Variants in TRPC7 observed in about 807,000 individuals in gnomAD.
TRPC7 encodes the protein transient receptor potential cation channel subfamily C member 7.
Under a neutral mutation model 90.1 loss-of-function variants are expected in TRPC7, and 42 were observed. That is an observed-to-expected ratio of 0.47 (90% CI 0.36 to 0.60). TRPC7 has a LOEUF of 0.60. Among genes scored for constraint, TRPC7 ranks in the 20% least tolerant of loss-of-function variants. TRPC7 has a pLI of 0.00. For synonymous variants in TRPC7, 451 were observed against 436.3 expected, an observed-to-expected ratio of 1.03 and a Z score of -0.42; for missense variants, 955 against 1,112.3, an observed-to-expected ratio of 0.86 and a Z score of 2.01.
chr5:136,330,224 G>A (rs1321721397), intron 2 of TRPC7, among the ~76,000 whole-genome samples: 1 of 152,200 alleles, frequency 6.6e-6, no homozygotes, highest in Non-Finnish European at 1.5e-5. Context: ...TAGGATGTAA[G>A]AAAATATTAA....
intron 2 of TRPC7, among the ~76,000 whole-genome samples, chr5:136,328,026 C>T (rs1355760248): frequency 1.3e-5 from 2 of 152,190 alleles, no homozygotes; most frequent in African/African-American, 4.8e-5. Flanking sequence ...CATGTTTTAG[C>T]TTCCATGGAT....
chr5:136,311,359 T>C (rs567301746), intron 3 of TRPC7, among the ~76,000 whole-genome samples: 2 of 152,106 alleles, frequency 1.3e-5, no homozygotes, highest in South Asian at 2.1e-4. Context: ...TTGAGTAGAG[T>C]GCCAACAACT....
chr5:136,320,730 C>T lies in TRPC7; in HGVS notation c.781-4951G>A, dbSNP rs1005004424. 1.2e-4 allele frequency among the ~76,000 whole-genome samples: 19 copies of T among 152,200 alleles called. 1 individual carries two copies. The highest frequency in any genetic ancestry group is 1.0e-3 in the Admixed American group (16 of 15,284). On this transcript the variant is annotated intron_variant, in intron 2 of 11. Transcript: ENST00000513104. ...TGGTGCCCCTGCTATTCTTCAAACA[C>T]ACTTAGTGTGGACCAGACCTTTACA...
chr5:136,320,067 T>G (rs1007153540), intron 2 of TRPC7, among the ~76,000 whole-genome samples: 1 of 152,108 alleles, frequency 6.6e-6, no homozygotes, highest in African/African-American at 2.4e-5. Context: ...TCCACTTGGA[T>G]GTCTAATAGG....
intron 3 of TRPC7, among the ~76,000 whole-genome samples, chr5:136,313,147 A>G (rs1017896637): frequency 3.3e-5 from 5 of 152,110 alleles, no homozygotes; most frequent in African/African-American, 1.2e-4. Context: ...CTTTAAGAAA[A>G]ACAGAAAACA....
chr5:136,229,471 G>A (rs1396185134), intron 8 of TRPC7, among the ~76,000 whole-genome samples: 1 of 152,160 alleles, frequency 6.6e-6, no homozygotes, highest in Non-Finnish European at 1.5e-5. Context: ...AAGTTAGAAG[G>A]TGACTTGCTT....
intron 3 of TRPC7, among the ~76,000 whole-genome samples, chr5:136,313,794 C>T (rs1758919902): frequency 1.3e-5 from 2 of 152,206 alleles, no homozygotes; most frequent in South Asian, 2.1e-4. Flanking sequence ...GACCTTATGA[C>T]TCCCTTAATT....
At chr5:136,294,692 G>A (rs994648465) in intron 3 of TRPC7, among the ~76,000 whole-genome samples, 3 of 152,194 alleles carry the variant, frequency 2.0e-5, no homozygotes, top group African/African-American at 7.2e-5. Context: ...CACTGTTGGT[G>A]GGACTGTAAA....
chr5:136,274,475 G>GA (rs66630545), intron 4 of TRPC7, among the ~76,000 whole-genome samples, 198 bp downstream of exon 4: 3,567 of 146,564 alleles, frequency 0.024, 149 homozygotes, highest in African/African-American at 0.084. Context: ...CTCTCTCTTT[G>GA]AAAAAAAAAA....
At chr5:136,353,833 C>T (rs890125851) in intron 2 of TRPC7, among the ~76,000 whole-genome samples, 1 of 152,134 alleles carries the variant, frequency 6.6e-6, no homozygotes, top group African/African-American at 2.4e-5. Flanking sequence ...TACTGGTGTT[C>T]TTAATTGTCC....
chr5:136,266,275 T>C lies in TRPC7; in HGVS notation c.1290A>G (p.Arg430=). The C allele has an allele frequency of 6.2e-7, 1 of 1,613,948 alleles. No individual in the cohort carries two copies. The highest frequency in any genetic ancestry group is 2.2e-5 in the East Asian group (1 of 44,874). ...TFTDYPKQIF[R]VKTTQFSWTE... ...TCCAGGAGAACTGTGTGGTTTTCAC[T>C]CTGAAGATTTGTTTTGGGTAGTCTG... is the stretch of plus-strand genomic sequence containing the variant. The change falls in exon 5 of 12, where the codon AGA becomes AGG. Residue 430 remains arginine, a synonymous_variant. Coordinates refer to ENST00000513104, the MANE Select transcript of TRPC7 (RefSeq NM_020389.3).
At chr5:136,306,255 C>A (rs1013487663) in intron 3 of TRPC7, among the ~76,000 whole-genome samples, 1 of 152,176 alleles carries the variant, frequency 6.6e-6, no homozygotes, top group African/African-American at 2.4e-5. Context: ...AATCATATGT[C>A]CTAGGTCCTC....
rs183216995 is a variant in TRPC7 at position 136,293,995 on chromosome 5, C to G, written c.964-19158G>C. Among the ~76,000 whole-genome samples the G allele has an allele frequency of 2.0e-4, 31 of 152,252 alleles. No individual in the cohort carries two copies. In the Middle Eastern group the frequency reaches 0.014, roughly 67 times the overall value. On this transcript the variant is annotated intron_variant, in intron 3 of 11. Coordinates refer to ENST00000513104, the MANE Select transcript of TRPC7 (RefSeq NM_020389.3). The stretch of plus-strand genomic sequence containing the variant: ...CCTCAGAAATAATGCTGCATATCTA[C>G]AACTATCTGATCTTTGACAAACCTG...
intron 8 of TRPC7, among the ~76,000 whole-genome samples, chr5:136,229,631 GCCAAC>G (rs1755754085): frequency 6.6e-6 from 1 of 152,188 alleles, no homozygotes; most frequent in East Asian, 1.9e-4. Context: ...CTCAGAAGGA[GCCAAC>G]CCTGCTGATG....
intron 2 of TRPC7, among the ~76,000 whole-genome samples, chr5:136,350,550 CT>C (rs1760160246): frequency 6.6e-6 from 1 of 152,186 alleles, no homozygotes; most frequent in African/African-American, 2.4e-5. Flanking sequence ...CCTGTGATGA[CT>C]CATTAATGAA....
intron 10 of TRPC7, among the ~76,000 whole-genome samples, chr5:136,216,705 G>A (rs181682331): frequency 8.5e-5 from 13 of 152,352 alleles, no homozygotes; most frequent in Admixed American, 2.6e-4. Context: ...CCTGGGTGGA[G>A]CTGCCTCCCT....
chr5:136,217,741 G>A (rs991312750), intron 10 of TRPC7, among the ~76,000 whole-genome samples: 4 of 152,106 alleles, frequency 2.6e-5, no homozygotes, highest in Non-Finnish European at 5.9e-5. Context: ...TTCAAGCTAG[G>A]TGCAGTGGCT....
intron 5 of TRPC7, among the ~76,000 whole-genome samples, chr5:136,260,494 G>A (rs909445466): frequency 2.6e-5 from 4 of 152,152 alleles, no homozygotes; most frequent in African/African-American, 9.7e-5. Context: ...CAGGCAGAGG[G>A]GACAGCCAGG....
intron 2 of TRPC7, among the ~76,000 whole-genome samples, chr5:136,316,618 T>C (rs542428743): frequency 6.6e-6 from 1 of 152,314 alleles, no homozygotes; most frequent in East Asian, 1.9e-4. Flanking sequence ...CTGAATGTCT[T>C]TGAGAGGCTA....
Sources: gnomAD v4.1 joint callset for allele counts (sites outside exome capture counted in the v4.1 genomes callset) on GRCh38, gnomAD v4.1.1 for gene constraint, MANE v1.5 for transcripts, NCBI Gene and HGNC (gene_info 2026-07-23, HGNC 2026-07-21) for gene names.